Variants in PACSIN1 observed in about 807,000 individuals in gnomAD.
The protein encoded by PACSIN1 is protein kinase C and casein kinase substrate in neurons 1, also known as protein kinase C and casein kinase substrate in neurons protein 1.
PACSIN1 carries 15 observed loss-of-function variants against 59.5 expected under a neutral mutation model. The ratio of observed to expected loss-of-function variants is 0.25; its 90% CI spans 0.17 to 0.39. The LOEUF is 0.39. Among genes scored for constraint, PACSIN1 ranks in the 10% least tolerant of loss-of-function variants. The pLI is 1.00. For missense variants in PACSIN1, 420 were observed against 580.2 expected (o/e 0.72, Z 2.84); for synonymous variants, 210 against 220.6 (o/e 0.95, Z 0.42).
Position 34,533,122 on chromosome 6 carries a change from GAGGTTTCC to G in PACSIN1, c.*596_*603del, listed in dbSNP as rs1167746881. On this transcript the variant is annotated 3_prime_UTR_variant, in exon 10 of 10. Coordinates refer to ENST00000244458, the MANE Select transcript of PACSIN1 (RefSeq NM_020804.5). Reference sequence around the variant, plus strand: ...GGAACGGTCACCCTCCTCCCCCATGGAGGTTTCCAGGGGTCCCCCAGACATGAAAGAGG... The same window carrying G: ...GGAACGGTCACCCTCCTCCCCCATGGAGGGGTCCCCCAGACATGAAAGAGG... 1 of 152,360 alleles carries G rather than the reference GAGGTTTCC, an allele frequency of 6.6e-6. No homozygotes were observed. The highest frequency in any genetic ancestry group is 2.4e-5 in the African/African-American group (1 of 41,442). 9.4% of individuals were successfully genotyped at this position (152,360 alleles called of 1,614,324 possible). A position where few individuals can be genotyped will look rare whatever the true frequency, so the allele number is the denominator to read the frequency against.
At chr6:34,479,522 A>G (rs572667704) in intron 1 of PACSIN1, among the ~76,000 whole-genome samples, 1 of 152,156 alleles carries the variant, frequency 6.6e-6, no homozygotes, top group Admixed American at 6.6e-5. Context: ...TTTAGGCTCA[A>G]TCTCCTGGGC....
At chr6:34,494,196 G>C (rs1281159777) in intron 1 of PACSIN1, among the ~76,000 whole-genome samples, 1 of 152,100 alleles carries the variant, frequency 6.6e-6, no homozygotes, top group Non-Finnish European at 1.5e-5. Context: ...AGCAACTCAG[G>C]CTGGCTCCTT....
At chr6:34,474,752 T>C (rs1310140870) in intron 1 of PACSIN1, among the ~76,000 whole-genome samples, 1 of 128,832 alleles carries the variant, frequency 7.8e-6, no homozygotes, top group Non-Finnish European at 1.6e-5. Context: ...ATCATACCAC[T>C]GCATCCAGCC....
intron 1 of PACSIN1, among the ~76,000 whole-genome samples, chr6:34,483,919 G>A (rs563600481): frequency 4.6e-5 from 7 of 152,072 alleles, no homozygotes; most frequent in Non-Finnish European, 1.0e-4. Context: ...AAAGTGTTGG[G>A]ATTACAGGTG....
intron 1 of PACSIN1, among the ~76,000 whole-genome samples, chr6:34,477,919 T>TA (rs1766660651): frequency 7.0e-6 from 1 of 143,568 alleles, no homozygotes; most frequent in South Asian, 2.2e-4. Context: ...TGGCCATCTT[T>TA]TTTTTTTTTT....
intron 1 of PACSIN1, among the ~76,000 whole-genome samples, chr6:34,498,339 C>T (rs886288836): frequency 6.6e-6 from 1 of 152,172 alleles, no homozygotes; most frequent in Non-Finnish European, 1.5e-5. Context: ...GGATTACAGG[C>T]ACGAGCCACC....
intron 1 of PACSIN1, among the ~76,000 whole-genome samples, chr6:34,489,526 A>G (rs1178965031): frequency 6.6e-6 from 1 of 152,112 alleles, no homozygotes; most frequent in Non-Finnish European, 1.5e-5. Context: ...TCAGAGGCAG[A>G]CAGTTTCAGA....
In PACSIN1 at chr6:34,485,611, G is replaced by A. The variant is rs532312965; in HGVS notation, c.-64+19341G>A. ...GCCTGTCCCATATCCAGGTGGGGCC[G>A]TTGAGGAGGTGGGTAGATTTGTGAG... is the stretch of plus-strand genomic sequence containing the variant. On this transcript the variant is annotated intron_variant, in intron 1 of 9. Transcript: ENST00000244458. 7.2e-5 allele frequency among the ~76,000 whole-genome samples: 11 copies of A among 152,314 alleles called. No individual in the cohort carries two copies. The East Asian group carries it at 1.2e-3, about 16-fold the overall frequency.
Position 34,515,150 on chromosome 6 carries a change from AG to A in PACSIN1, c.-63-11091del, listed in dbSNP as rs1767269629. 6.6e-6 allele frequency: 1 copy of A among 152,524 alleles called. No homozygotes were observed. The highest frequency in any genetic ancestry group is 1.5e-5 in the Non-Finnish European group (1 of 68,286). 9.4% of individuals were successfully genotyped at this position (152,524 alleles called of 1,614,324 possible). On this transcript the variant is annotated intron_variant, in intron 1 of 9. Coordinates refer to ENST00000244458, the MANE Select transcript of PACSIN1 (RefSeq NM_020804.5). The surrounding 1 kb of genome is among the most constrained non-coding windows in gnomAD (Gnocchi z 4.4). ...TGCCTTCCTACCAGCGGCACCTGATAGGAGCCAAACAGGCCAGCTGGAGGGG... is the reference window on the plus strand; with the variant it reads ...TGCCTTCCTACCAGCGGCACCTGATAGAGCCAAACAGGCCAGCTGGAGGGG...
chr6:34,498,052 TTTTGTTTG>T (rs34953853), intron 1 of PACSIN1, among the ~76,000 whole-genome samples: 82 of 151,426 alleles, frequency 5.4e-4, no homozygotes, highest in African/African-American at 1.8e-3. Context: ...TTTTTGTTTG[TTTTGTTTG>T]TTTGTTTGTT....
intron 1 of PACSIN1, among the ~76,000 whole-genome samples, chr6:34,517,696 C>T (rs1367229478): frequency 1.3e-5 from 2 of 152,160 alleles, no homozygotes; most frequent in South Asian, 4.1e-4. Context: ...CCTTCTCTGA[C>T]CATCCTCCAT....
intron 1 of PACSIN1, among the ~76,000 whole-genome samples, 153 bp downstream of exon 1, chr6:34,466,423 G>A (rs1328855301): frequency 6.6e-6 from 1 of 152,210 alleles, no homozygotes; most frequent in African/African-American, 2.4e-5. Flanking sequence ...AAGCGGGTGC[G>A]CGTTCGGGGA....
chr6:34,498,690 G>C (rs1449788360), intron 1 of PACSIN1, among the ~76,000 whole-genome samples: 3 of 151,796 alleles, frequency 2.0e-5, no homozygotes, highest in Non-Finnish European at 4.4e-5. Context: ...CAAGTACTCT[G>C]GAGGCTGAGG....
At chr6:34,527,665 G>A in intron 3 of PACSIN1, 177 bp downstream of exon 3, 1 of 417,260 alleles carries the variant, frequency 2.4e-6, no homozygotes, top group Non-Finnish European at 4.1e-6. Flanking sequence ...TCTCTATTTT[G>A]TACAATTTTA....
chr6:34,520,118 C>G (rs10947509), intron 1 of PACSIN1, among the ~76,000 whole-genome samples: 151,559 of 152,120 alleles, frequency 1, 75,502 homozygotes, highest in East Asian at 1. Context: ...TGTGCCCTAG[C>G]CTGGGTTGTG....
intron 1 of PACSIN1, among the ~76,000 whole-genome samples, chr6:34,520,898 A>G (rs1479669481): frequency 6.6e-6 from 1 of 152,124 alleles, no homozygotes; most frequent in East Asian, 1.9e-4. Context: ...TGGTTGTGTC[A>G]TCATCATCAT....
chr6:34,482,686 T>G (rs1766736579), intron 1 of PACSIN1, among the ~76,000 whole-genome samples: 1 of 28,852 alleles, frequency 3.5e-5, no homozygotes. Flanking sequence ...TTGTTTTTGT[T>G]TTTTTTTTTT....
chr6:34,527,219 C>A, intron 2 of PACSIN1, 113 bp from the exon 3 acceptor site: 2 of 1,110,508 alleles, frequency 1.8e-6, no homozygotes, highest in South Asian at 4.1e-5. Flanking sequence ...GACGGCGAGG[C>A]CGTAAGCGGG....
chr6:34,467,203 C>G (rs554302733), intron 1 of PACSIN1, among the ~76,000 whole-genome samples: 1 of 152,342 alleles, frequency 6.6e-6, no homozygotes, highest in South Asian at 2.1e-4. Context: ...CAAATCATCA[C>G]CCTCCAGCAG....
Sources: allele counts gnomAD v4.1 joint callset (sites outside exome capture counted in the v4.1 genomes callset), GRCh38; gene constraint gnomAD v4.1.1; non-coding constraint Gnocchi (gnomAD v3.1); transcripts MANE v1.5; gene names NCBI Gene and HGNC (gene_info 2026-07-23, HGNC 2026-07-21).